Variants in MYO3B observed in about 807,000 individuals in gnomAD.
MYO3B encodes myosin-IIIb.
In MYO3B, 156 loss-of-function variants were observed where a neutral mutation model predicts 174.6. That is an observed-to-expected ratio of 0.89 (90% CI 0.78 to 1.02). MYO3B has a LOEUF of 1.02. Ranked by LOEUF, MYO3B falls within the 50% of genes least tolerant of loss-of-function variation. The pLI, the probability that MYO3B is intolerant of heterozygous loss-of-function variation, is 0.00. For missense variants in MYO3B, 1,632 were observed against 1,639.4 expected (o/e 1.00, Z 0.08); for synonymous variants, 563 against 569.1 (o/e 0.99, Z 0.15).
At chr2:170,592,549 G>T (rs1430724825) in intron 32 of MYO3B, among the ~76,000 whole-genome samples, 1 of 152,172 alleles carries the variant, frequency 6.6e-6, no homozygotes, top group East Asian at 1.9e-4. Flanking sequence ...GAATTGGCCG[G>T]CAAAGAGAAG....
chr2:170,429,854 C>T (rs2094694481), intron 22 of MYO3B, among the ~76,000 whole-genome samples: 1 of 152,124 alleles, frequency 6.6e-6, no homozygotes, highest in African/African-American at 2.4e-5. Context: ...TTTATTCTAA[C>T]ACTCACCAGT....
intron 2 of MYO3B, 116 bp from the exon 3 acceptor site, chr2:170,200,034 T>G: frequency 8.6e-5 from 77 of 896,424 alleles, no homozygotes; most frequent in Non-Finnish European, 1.1e-4. Context: ...GGTATGGTAA[T>G]GAGATTGAAA....
chr2:170,388,864 TG>T (rs552714187), intron 14 of MYO3B, among the ~76,000 whole-genome samples: 81 of 152,344 alleles, frequency 5.3e-4, no homozygotes, highest in Non-Finnish European at 9.6e-4. Flanking sequence ...CAGTAGGGAC[TG>T]GCATGAACAT....
chr2:170,257,681 A>G lies in MYO3B; in HGVS notation c.749+21545A>G, dbSNP rs138617500. Reference sequence around the variant, plus strand: ...TCTAACATCACACCTAGAGAACTAGAAAAACAAGAACGAACCCCAGAGCTA... The same window carrying G: ...TCTAACATCACACCTAGAGAACTAGGAAAACAAGAACGAACCCCAGAGCTA... On this transcript the variant is annotated intron_variant, in intron 7 of 34. Transcript: ENST00000408978. Among the ~76,000 whole-genome samples the G allele has an allele frequency of 4.5e-3, 691 of 152,274 alleles. 21 individuals carry two copies. The highest frequency in any genetic ancestry group is 0.039 in the Admixed American group (602 of 15,296).
At chr2:170,289,976 G>C (rs879877740) in intron 7 of MYO3B, among the ~76,000 whole-genome samples, 2 of 152,034 alleles carry the variant, frequency 1.3e-5, no homozygotes, top group Non-Finnish European at 2.9e-5. Flanking sequence ...GGAACACATT[G>C]TTTAATTTGT....
chr2:170,318,866 T>C (rs752805151), intron 7 of MYO3B, among the ~76,000 whole-genome samples: 4 of 152,164 alleles, frequency 2.6e-5, no homozygotes, highest in African/African-American at 4.8e-5. Context: ...AGCTTAGTAT[T>C]AGCCCTAGTG....
rs1015670851 is a variant in MYO3B, at chr2:170,316,099, G to A, written c.750-19286G>A. 2.0e-5 allele frequency among the ~76,000 whole-genome samples: 3 copies of A among 152,096 alleles called. No individual in the cohort carries two copies. In the South Asian group the frequency reaches 6.2e-4, roughly 32 times the overall value. On this transcript the variant is annotated intron_variant, in intron 7 of 34. Transcript: ENST00000408978. ...TATTGTGTTCTTAGATGAAATAATT[G>A]GCCTAGTATTCCATATTCCCATATC...
At chr2:170,537,160 C>T (rs1689748434) in intron 30 of MYO3B, among the ~76,000 whole-genome samples, 1 of 145,474 alleles carries the variant, frequency 6.9e-6, no homozygotes, top group African/African-American at 2.5e-5. Context: ...GAGATCGTGC[C>T]ACTGCGCTCC....
At chr2:170,236,208 G>C in intron 7 of MYO3B, 72 bp downstream of exon 7, 2 of 1,533,662 alleles carry the variant, frequency 1.3e-6, no homozygotes, top group Middle Eastern at 3.5e-4. Context: ...ATAATAAATA[G>C]TTTGCAAGCA....
chr2:170,193,514 G>C (rs1276012792), intron 1 of MYO3B, among the ~76,000 whole-genome samples: 3 of 151,936 alleles, frequency 2.0e-5, no homozygotes, highest in Non-Finnish European at 4.4e-5. Context: ...AATCTTAATT[G>C]ATACAACAGA....
intron 7 of MYO3B, among the ~76,000 whole-genome samples, chr2:170,327,322 T>C (rs4668240): frequency 0.52 from 79,513 of 152,080 alleles, 21,114 homozygotes; most frequent in East Asian, 0.66. Flanking sequence ...GAGATGGAGA[T>C]TGAAGTGAGC....
At chr2:170,318,185 T>TG (rs1360663075) in intron 7 of MYO3B, among the ~76,000 whole-genome samples, 1 of 152,200 alleles carries the variant, frequency 6.6e-6, no homozygotes, top group Non-Finnish European at 1.5e-5. Context: ...ACTAACTAGT[T>TG]GCATACAAGT....
At chr2:170,430,214 C>A (rs2094698178) in intron 22 of MYO3B, among the ~76,000 whole-genome samples, 1 of 151,746 alleles carries the variant, frequency 6.6e-6, no homozygotes, top group Non-Finnish European at 1.5e-5. Flanking sequence ...CCATAGAAGG[C>A]CTTTACTGTA....
At chr2:170,315,143 G>A (rs561603128) in intron 7 of MYO3B, among the ~76,000 whole-genome samples, 11 of 152,110 alleles carry the variant, frequency 7.2e-5, no homozygotes, top group South Asian at 6.2e-4. Flanking sequence ...TATTTCTTTC[G>A]CTTCTGAAAA....
chr2:170,629,515 T>A (rs970952025), intron 32 of MYO3B, among the ~76,000 whole-genome samples: 1 of 152,176 alleles, frequency 6.6e-6, no homozygotes, highest in Non-Finnish European at 1.5e-5. Flanking sequence ...TAATACCTTT[T>A]TTATATCAGA....
intron 3 of MYO3B, among the ~76,000 whole-genome samples, chr2:170,202,807 TCTC>T (rs1254265758): frequency 6.6e-6 from 1 of 152,190 alleles, no homozygotes; most frequent in Non-Finnish European, 1.5e-5. Flanking sequence ...TTAATACTGT[TCTC>T]CTCATCTTGC....
At chr2:170,464,213 G>A (rs530468414) in intron 24 of MYO3B, among the ~76,000 whole-genome samples, 62 of 152,078 alleles carry the variant, frequency 4.1e-4, no homozygotes, top group African/African-American at 1.5e-3. Flanking sequence ...ATTAGGTGTG[G>A]TGGCAGGTGC....
chr2:170,451,750 T>G (rs2105929087), intron 23 of MYO3B, among the ~76,000 whole-genome samples: 1 of 152,284 alleles, frequency 6.6e-6, no homozygotes, highest in South Asian at 2.1e-4. Flanking sequence ...TTGTCAATAG[T>G]TGGATTACTG....
chr2:170,328,487 G>A (rs1466428100), intron 7 of MYO3B, among the ~76,000 whole-genome samples: 1 of 152,000 alleles, frequency 6.6e-6, no homozygotes, highest in African/African-American at 2.4e-5. Flanking sequence ...ATTGCTCACT[G>A]AGCCACCCCC....
Sources: allele counts gnomAD v4.1 joint callset (sites outside exome capture counted in the v4.1 genomes callset), GRCh38; gene constraint gnomAD v4.1.1; transcripts MANE v1.5; gene names NCBI Gene and HGNC (gene_info 2026-07-23, HGNC 2026-07-21).